PCDHA11: variants seen among roughly 807,000 people sequenced by gnomAD.
PCDHA11 encodes the protein protocadherin alpha 11.
A neutral mutation model predicts 70.3 loss-of-function variants in PCDHA11; 61 were observed. That is an observed-to-expected ratio of 0.87 (90% CI 0.71 to 1.07). PCDHA11 has a LOEUF of 1.07. PCDHA11 is among the 50% of genes least tolerant of loss of function. The pLI is 0.00. For missense variants in PCDHA11, 1,324 were observed against 1,237.5 expected (o/e 1.07, Z -1.05); for synonymous variants, 633 against 555.1 (o/e 1.14, Z -1.97).
At chr5:140,888,265 A>G (rs2061758269) in intron 1 of PCDHA11, among the ~76,000 whole-genome samples, 1 of 152,096 alleles carries the variant, frequency 6.6e-6, no homozygotes, top group Non-Finnish European at 1.5e-5. Flanking sequence ...TCTTGATAAG[A>G]AACAGTTTTG....
rs182361197 is a variant in PCDHA11, at chr5:140,979,956, T to G, written c.2450+949T>G. 2.0e-5 allele frequency among the ~76,000 whole-genome samples: 3 copies of G among 152,378 alleles called. No homozygotes were observed. In the East Asian group the frequency reaches 5.8e-4, roughly 29 times the overall value. ...GTGTAGAGTTAATGTGAAATTAGTT[T>G]TAGCCCATTAAAATGCATTAGATTG... On this transcript the variant is annotated intron_variant, in intron 2 of 3. Transcript: ENST00000398640.
chr5:140,949,074 C>T (rs2094343019), intron 1 of PCDHA11, among the ~76,000 whole-genome samples: 1 of 151,780 alleles, frequency 6.6e-6, no homozygotes, highest in African/African-American at 2.4e-5. Flanking sequence ...AACTCTTTCA[C>T]CCATTTATTA....
rs114421153 is a variant in PCDHA11, at chr5:140,919,495, A to T, written c.2391+48001A>T. ...TATTTGGATTTATGTTTGTTATTTT[A>T]CTCCTTTTTCTATATGTTTTAATTC... On this transcript the variant is annotated intron_variant, in intron 1 of 3. Coordinates refer to ENST00000398640, the MANE Select transcript of PCDHA11 (RefSeq NM_018902.5). 4.5e-3 allele frequency among the ~76,000 whole-genome samples: 671 copies of T among 150,296 alleles called. 3 individuals are homozygous for T. Among genetic ancestry groups the T allele is most frequent in the African/African-American group, 0.016 (651 of 40,928 alleles).
chr5:140,922,085 AT>A (rs1453055437), intron 1 of PCDHA11, among the ~76,000 whole-genome samples: 1 of 152,194 alleles, frequency 6.6e-6, no homozygotes, highest in Non-Finnish European at 1.5e-5. Context: ...AAAAAGTGGT[AT>A]TTCTACCAAC....
intron 1 of PCDHA11, among the ~76,000 whole-genome samples, chr5:140,888,739 GA>G (rs782625301): frequency 6.6e-6 from 1 of 151,978 alleles, no homozygotes; most frequent in Non-Finnish European, 1.5e-5. Flanking sequence ...TGAGCTCTAG[GA>G]ATTATTCTAC....
intron 3 of PCDHA11, among the ~76,000 whole-genome samples, chr5:140,990,438 T>C (rs2097393735): frequency 2.0e-5 from 3 of 152,222 alleles, no homozygotes; most frequent in Admixed American, 2.0e-4. Context: ...CCCAATCTTG[T>C]GTCCAGAGCT....
chr5:140,892,219 A>T (rs1248122428), intron 1 of PCDHA11, among the ~76,000 whole-genome samples: 2 of 152,118 alleles, frequency 1.3e-5, no homozygotes, highest in Non-Finnish European at 2.9e-5. Flanking sequence ...TTGTATCTTT[A>T]TGGTGTTTTG....
chr5:140,910,982 T>C (rs1204318531), intron 1 of PCDHA11, among the ~76,000 whole-genome samples: 1 of 152,130 alleles, frequency 6.6e-6, no homozygotes, highest in Non-Finnish European at 1.5e-5. Flanking sequence ...GGTTATACTC[T>C]GAACCTCACC....
chr5:140,911,040 A>G (rs970284436), intron 1 of PCDHA11, among the ~76,000 whole-genome samples: 15 of 152,034 alleles, frequency 9.9e-5, no homozygotes, highest in Non-Finnish European at 2.2e-4. Context: ...CTAGAAGCAA[A>G]CAGGGGTGGT....
chr5:140,981,917 A>G (rs1465971302), intron 2 of PCDHA11, among the ~76,000 whole-genome samples: 1 of 152,218 alleles, frequency 6.6e-6, no homozygotes, highest in Non-Finnish European at 1.5e-5. Flanking sequence ...GTGGTGATCA[A>G]GTTTCTCTAG....
At chr5:140,944,746 A>G (rs1009788923) in intron 1 of PCDHA11, among the ~76,000 whole-genome samples, 6 of 152,214 alleles carry the variant, frequency 3.9e-5, no homozygotes, top group African/African-American at 1.4e-4. Context: ...GAGCATTTAC[A>G]TGGAAAAAAT....
chr5:140,928,501 G>A, intron 1 of PCDHA11: 1 of 1,614,184 alleles, frequency 6.2e-7, no homozygotes. Flanking sequence ...TCCCAGAAGT[G>A]CAACAGTGAC....
intron 1 of PCDHA11, chr5:140,876,899 C>A (rs781884794): frequency 5.0e-6 from 8 of 1,613,974 alleles, no homozygotes; most frequent in Non-Finnish European, 6.8e-6. Context: ...CACATCTTCA[C>A]GGTGTCGGCA....
chr5:140,992,235 G>A (rs1272038759), intron 3 of PCDHA11, among the ~76,000 whole-genome samples: 7 of 152,154 alleles, frequency 4.6e-5, no homozygotes, highest in African/African-American at 1.7e-4. Flanking sequence ...GGAAGAGTAA[G>A]GAAGGAAGTA....
intron 1 of PCDHA11, chr5:140,884,061 A>G: frequency 1.2e-6 from 2 of 1,613,342 alleles, no homozygotes; most frequent in Non-Finnish European, 1.7e-6. Flanking sequence ...CGCGCGGTGG[A>G]CGCCGATTCG....
intron 3 of PCDHA11, among the ~76,000 whole-genome samples, chr5:141,007,375 A>G (rs2098319986): frequency 6.8e-6 from 1 of 146,418 alleles, no homozygotes; most frequent in Non-Finnish European, 1.5e-5. Context: ...ACATGATGGA[A>G]CACCATCTCT....
At chr5:140,999,980 C>G (rs1386394350) in intron 3 of PCDHA11, among the ~76,000 whole-genome samples, 1 of 152,076 alleles carries the variant, frequency 6.6e-6, no homozygotes, top group East Asian at 1.9e-4. Flanking sequence ...GCTCTAGCGG[C>G]CTCTGGGTAG....
chr5:140,883,547 G>A (rs782704587), intron 1 of PCDHA11: 2 of 1,614,234 alleles, frequency 1.2e-6, no homozygotes, highest in Admixed American at 1.7e-5. Flanking sequence ...GGTGGTGACC[G>A]CGCGGGACGG....
chr5:140,886,827 GAA>G (rs782016620), intron 1 of PCDHA11, among the ~76,000 whole-genome samples: 14 of 60,910 alleles, frequency 2.3e-4, no homozygotes, highest in Non-Finnish European at 3.3e-4. Context: ...ACTTCGTCTT[GAA>G]AAAAAAAAAA....
Sources: allele counts gnomAD v4.1 joint callset (sites outside exome capture counted in the v4.1 genomes callset), GRCh38; gene constraint gnomAD v4.1.1; transcripts MANE v1.5; gene names NCBI Gene and HGNC (gene_info 2026-07-23, HGNC 2026-07-21).